Variants in ALMS1 observed in about 807,000 individuals in gnomAD.
ALMS1 encodes the protein ALMS1 centrosome and basal body associated protein.
ALMS1 carries 271 observed loss-of-function variants against 352.2 expected under a neutral mutation model. The observed-to-expected ratio is 0.77, with a 90% confidence interval of 0.70 to 0.85. The LOEUF (loss-of-function observed/expected upper bound fraction) is 0.85, where lower values mean the gene tolerates loss of function less well. Ranked by LOEUF, ALMS1 falls within the 40% of genes least tolerant of loss-of-function variation. ALMS1 has a pLI of 0.00. For missense variants in ALMS1, 5,445 were observed against 4,870.7 expected, an observed-to-expected ratio of 1.12 and a Z score of -3.51; for synonymous variants, 1,865 against 1,761.2, an observed-to-expected ratio of 1.06 and a Z score of -1.48.
At chr2:73,544,898 T>C (rs1674279976) in intron 12 of ALMS1, among the ~76,000 whole-genome samples, 1 of 152,188 alleles carries the variant, frequency 6.6e-6, no homozygotes, top group Non-Finnish European at 1.5e-5. Flanking sequence ...TTCTGGTACA[T>C]GCTACAACAT....
At chr2:73,535,567 C>T (rs1212060349) in intron 12 of ALMS1, among the ~76,000 whole-genome samples, 4 of 152,146 alleles carry the variant, frequency 2.6e-5, no homozygotes, top group Admixed American at 6.5e-5. Context: ...AAGAACATAG[C>T]ACTATCTGAT....
intron 1 of ALMS1, among the ~76,000 whole-genome samples, chr2:73,392,066 T>A (rs745861432): frequency 3.3e-5 from 5 of 152,132 alleles, no homozygotes; most frequent in Non-Finnish European, 7.4e-5. Flanking sequence ...CACTTCTCAT[T>A]CCCAATTTTG....
chr2:73,536,125 A>G (rs1674022754), intron 12 of ALMS1, among the ~76,000 whole-genome samples: 3 of 152,230 alleles, frequency 2.0e-5, no homozygotes. Context: ...TATGGTTTTA[A>G]AAACACTGTT....
intron 10 of ALMS1, among the ~76,000 whole-genome samples, chr2:73,513,298 G>A (rs7598660): frequency 0.56 from 84,576 of 151,766 alleles, 26,952 homozygotes; most frequent in African/African-American, 0.89. Context: ...CACCCTCAAC[G>A]TATGGACACT....
intron 1 of ALMS1, among the ~76,000 whole-genome samples, chr2:73,407,647 A>G (rs1292002808): frequency 2.0e-5 from 3 of 152,172 alleles, no homozygotes; most frequent in African/African-American, 7.2e-5. Context: ...GGTGAGGTCT[A>G]GTGGTAATGA....
intron 1 of ALMS1, among the ~76,000 whole-genome samples, chr2:73,397,634 A>G (rs186905456): frequency 7.9e-5 from 12 of 152,172 alleles, no homozygotes; most frequent in Admixed American, 7.9e-4. Context: ...CGCTCAGCTA[A>G]TTATTTTTCT....
intron 10 of ALMS1, among the ~76,000 whole-genome samples, chr2:73,508,229 G>A (rs1673377615): frequency 9.2e-6 from 1 of 109,044 alleles, no homozygotes; most frequent in African/African-American, 3.7e-5. Flanking sequence ...TTTTTTCCGA[G>A]TCTCACTCTG....
At chr2:73,571,495 C>A (rs1674926710) in intron 15 of ALMS1, among the ~76,000 whole-genome samples, 1 of 152,044 alleles carries the variant, frequency 6.6e-6, no homozygotes, top group Non-Finnish European at 1.5e-5. Context: ...CAGGGAAAGG[C>A]CAAACAGGAG....
intron 13 of ALMS1, among the ~76,000 whole-genome samples, chr2:73,556,549 A>C (rs1322650529): frequency 6.6e-6 from 1 of 152,054 alleles, no homozygotes; most frequent in Non-Finnish European, 1.5e-5. Flanking sequence ...TGACTCCATA[A>C]GTGGTAAAAA....
At position 73,519,849 on chromosome 2, in the gene ALMS1, C is replaced by G. The variant is rs753021818; in HGVS notation, c.9614C>G (p.Thr3205Arg). Reference protein sequence around the residue: ...KLSSDAVTQITTESPEKTLFS... With the variant: ...KLSSDAVTQIRTESPEKTLFS... Reference sequence around the variant, plus strand: ...TCATCTGATGCAGTCACTCAGATAACAACAGAAAGTCCAGAAAAGACCCTA... The same window carrying G: ...TCATCTGATGCAGTCACTCAGATAAGAACAGAAAGTCCAGAAAAGACCCTA... Residue 3205 changes from threonine to arginine, a missense_variant, in exon 11 of 23, where the codon ACA (threonine) becomes AGA (arginine). Transcript: ENST00000613296. The G allele has an allele frequency of 5.0e-6, 8 of 1,613,872 alleles. No individual in the cohort carries two copies. Among genetic ancestry groups the G allele is most frequent in the African/African-American group, 4.0e-5 (3 of 74,888 alleles).
intron 10 of ALMS1, among the ~76,000 whole-genome samples, chr2:73,515,768 TAC>T (rs71406825): frequency 0.041 from 5,743 of 141,350 alleles, 134 homozygotes; most frequent in South Asian, 0.081. Flanking sequence ...TCCACAGAAA[TAC>T]ACACACACAC....
intron 10 of ALMS1, among the ~76,000 whole-genome samples, chr2:73,504,388 C>A (rs751735901): frequency 1.3e-5 from 2 of 152,162 alleles, no homozygotes; most frequent in Non-Finnish European, 2.9e-5. Flanking sequence ...TTCCCTTGTG[C>A]CTTCCCTTTT....
rs559565833 is a variant in ALMS1 at position 73,517,918 on chromosome 2, A to G, written c.9540-1857A>G. 3.3e-5 allele frequency among the ~76,000 whole-genome samples: 5 copies of G among 152,098 alleles called. No homozygotes were observed. The South Asian group carries it at 1.0e-3, about 32-fold the overall frequency. ...GGTGATCCACCCACCTCAGCCTCCC[A>G]AAATACTGGGATTACAGGCGTGAGC... On this transcript the variant is annotated intron_variant, in intron 10 of 22. Transcript: ENST00000613296.
chr2:73,480,896 G>A (rs200514942), intron 9 of ALMS1, among the ~76,000 whole-genome samples: 22 of 149,084 alleles, frequency 1.5e-4, no homozygotes, highest in African/African-American at 4.5e-4. Context: ...GTCTGTTCAT[G>A]TCCTTCGCCC....
intron 16 of ALMS1, among the ~76,000 whole-genome samples, chr2:73,587,703 A>G (rs545335620): frequency 6.6e-6 from 1 of 152,210 alleles, no homozygotes; most frequent in Middle Eastern, 3.2e-3. Flanking sequence ...GGACTTTTGC[A>G]TCTGTGTTCA....
chr2:73,470,516 A>C (rs748850647), intron 9 of ALMS1: 1 of 151,608 alleles, frequency 6.6e-6, no homozygotes, highest in African/African-American at 2.4e-5. Context: ...ATTTTAGTCT[A>C]TTGTGCTTGG....
chr2:73,550,468 C>T, intron 13 of ALMS1, 31 bp downstream of exon 13: 1 of 1,612,160 alleles, frequency 6.2e-7, no homozygotes, highest in East Asian at 2.2e-5. Flanking sequence ...TACTTTGTAG[C>T]TTTTTCTCCC....
At chr2:73,491,810 C>G (rs1443056467) in intron 10 of ALMS1, among the ~76,000 whole-genome samples, 1 of 152,204 alleles carries the variant, frequency 6.6e-6, no homozygotes, top group African/African-American at 2.4e-5. Flanking sequence ...CTGTGTTGGA[C>G]ATATGCTGAA....
At chr2:73,603,001 C>A (rs866111430) in intron 20 of ALMS1, among the ~76,000 whole-genome samples, 1 of 152,156 alleles carries the variant, frequency 6.6e-6, no homozygotes, top group Non-Finnish European at 1.5e-5. Context: ...ACTTTAGAAA[C>A]CGGCCAGATT....
Sources: allele counts gnomAD v4.1 joint callset (sites outside exome capture counted in the v4.1 genomes callset), GRCh38; gene constraint gnomAD v4.1.1; transcripts MANE v1.5; gene names NCBI Gene and HGNC (gene_info 2026-07-23, HGNC 2026-07-21).